The following EYS variants were observed in gnomAD, a reference collection of about 807,000 sequenced individuals.
EYS encodes the protein EGF-like photoreceptor maintenance factor.
EYS carries 250 observed loss-of-function variants against 282.1 expected under a neutral mutation model. The observed-to-expected ratio is 0.89, with a 90% CI of 0.80 to 0.98. The LOEUF (loss-of-function observed/expected upper bound fraction) is 0.98, where lower values mean the gene tolerates loss of function less well. Ranked by LOEUF, EYS falls within the 50% of genes least tolerant of loss-of-function variation. The pLI is 0.00. For missense variants in EYS, 4,016 were observed against 3,709.0 expected (o/e 1.08, Z -2.15); for synonymous variants, 1,355 against 1,282.9 (o/e 1.06, Z -1.20).
Position 64,230,747 on chromosome 6 carries a change from C to T in EYS, c.6269G>A (p.Trp2090Ter), listed in dbSNP as rs1562263385. ...TGCAACAGAGGGGCTGACAGAAGTC[C>T]ACATGGTATCAACCCCTTGTGTCAC... ...SDVTQGVDTM[W>*]TSVSPSVAAP... The change falls in exon 31 of 43, where the codon TGG becomes TAG. Residue 2090 changes from tryptophan (W) to a stop codon, truncating the protein, a stop_gained. Coordinates refer to ENST00000503581, the MANE Select transcript of EYS (RefSeq NM_001142800.2). LOFTEE classifies it high-confidence loss of function. The T allele has an allele frequency of 6.4e-7, 1 of 1,551,546 alleles. No homozygotes were observed. The highest frequency in any genetic ancestry group is 8.7e-7 in the Non-Finnish European group (1 of 1,146,906).
At chr6:65,478,725 G>A (rs187240885) in intron 5 of EYS, among the ~76,000 whole-genome samples, 2 of 152,066 alleles carry the variant, frequency 1.3e-5, no homozygotes, top group Admixed American at 1.3e-4. Context: ...ACTTGGAAGG[G>A]CCCTGTTTAG....
intron 31 of EYS, among the ~76,000 whole-genome samples, chr6:64,116,329 C>T (rs959795902): frequency 5.3e-5 from 8 of 151,978 alleles, no homozygotes; most frequent in South Asian, 2.1e-4. Flanking sequence ...GGAAGAACTT[C>T]GTAGTCCAGG....
chr6:64,767,921 G>A (rs1305517070), intron 22 of EYS, among the ~76,000 whole-genome samples: 2 of 151,958 alleles, frequency 1.3e-5, no homozygotes, highest in East Asian at 3.9e-4. Context: ...AGCTCCCCCT[G>A]TTTTTGCATC....
At chr6:64,730,595 C>T (rs1771929008) in intron 22 of EYS, among the ~76,000 whole-genome samples, 1 of 152,148 alleles carries the variant, frequency 6.6e-6, no homozygotes, top group South Asian at 2.1e-4. Context: ...TCTCCTGCCT[C>T]AGCCTCCGAG....
intron 35 of EYS, among the ~76,000 whole-genome samples, chr6:63,942,107 A>G (rs900885512): frequency 3.3e-5 from 5 of 152,222 alleles, no homozygotes; most frequent in Non-Finnish European, 5.9e-5. Flanking sequence ...TCAGGGGGTT[A>G]TAAGGATCTT....
intron 13 of EYS, among the ~76,000 whole-genome samples, chr6:65,016,705 T>C (rs1485300968): frequency 6.6e-6 from 1 of 152,160 alleles, no homozygotes; most frequent in Non-Finnish European, 1.5e-5. Flanking sequence ...CTGGACAGTA[T>C]AAATTCTGTT....
intron 15 of EYS, among the ~76,000 whole-genome samples, chr6:64,942,518 C>G (rs1769122749): frequency 6.8e-6 from 1 of 146,844 alleles, no homozygotes. Flanking sequence ...TAAGTACAGT[C>G]AGAGATGACA....
At chr6:65,103,238 T>C (rs1327637803) in intron 12 of EYS, among the ~76,000 whole-genome samples, 1 of 151,502 alleles carries the variant, frequency 6.6e-6, no homozygotes, top group African/African-American at 2.4e-5. Flanking sequence ...TGTGGTGTCA[T>C]ATTAGAATGA....
chr6:64,213,859 A>G (rs1185710391), intron 31 of EYS, among the ~76,000 whole-genome samples: 3 of 152,184 alleles, frequency 2.0e-5, no homozygotes, highest in African/African-American at 7.2e-5. Flanking sequence ...CTATACACAT[A>G]ACGGTTTGGG....
chr6:64,858,527 A>G (rs1766139416), intron 19 of EYS, among the ~76,000 whole-genome samples: 1 of 152,092 alleles, frequency 6.6e-6, no homozygotes, highest in Non-Finnish European at 1.5e-5. Context: ...GTAATAAGAA[A>G]ACGTAATGGT....
intron 12 of EYS, among the ~76,000 whole-genome samples, chr6:65,234,659 A>G (rs1258353017): frequency 1.3e-5 from 2 of 152,204 alleles, no homozygotes; most frequent in Non-Finnish European, 2.9e-5. Context: ...CACAGAATGC[A>G]AAGTATTTAT....
At chr6:65,624,374 G>A (rs1294888995) in intron 2 of EYS, among the ~76,000 whole-genome samples, 1 of 152,142 alleles carries the variant, frequency 6.6e-6, no homozygotes, top group Non-Finnish European at 1.5e-5. Flanking sequence ...GTGATGAAGG[G>A]TATGATGAGG....
At chr6:64,418,068 G>A (rs1774115616) in intron 28 of EYS, among the ~76,000 whole-genome samples, 1 of 152,058 alleles carries the variant, frequency 6.6e-6, no homozygotes, top group Non-Finnish European at 1.5e-5. Flanking sequence ...TTCCAGAGTG[G>A]TGACATAGGA....
chr6:64,186,335 G>A (rs1764946371), intron 31 of EYS, among the ~76,000 whole-genome samples: 1 of 151,624 alleles, frequency 6.6e-6, no homozygotes, highest in Non-Finnish European at 1.5e-5. Flanking sequence ...AAGTAATGTG[G>A]GAGCCAAATG....
At chr6:65,201,132 G>A (rs1347817456) in intron 12 of EYS, among the ~76,000 whole-genome samples, 2 of 152,070 alleles carry the variant, frequency 1.3e-5, no homozygotes, top group Admixed American at 6.6e-5. Flanking sequence ...TGAGCCTAAA[G>A]AAAGTTCTCA....
In EYS at chr6:64,319,401, T is replaced by G. The variant is rs551849448; in HGVS notation, c.6079-12319A>C. On this transcript the variant is annotated intron_variant, in intron 29 of 42. Coordinates refer to ENST00000503581, the MANE Select transcript of EYS (RefSeq NM_001142800.2). ...AATACCAATTGATTAAATCAATGGT[T>G]TTCATCCTGTATTATCTGAGGAACC... Among the ~76,000 whole-genome samples, 9 of 152,012 alleles carry G rather than the reference T, an allele frequency of 5.9e-5. No individual in the cohort carries two copies. The East Asian group carries it at 1.5e-3, about 26-fold the overall frequency.
chr6:64,242,167 A>G (rs1251976059), intron 30 of EYS, among the ~76,000 whole-genome samples: 2 of 152,118 alleles, frequency 1.3e-5, no homozygotes, highest in African/African-American at 4.8e-5. Flanking sequence ...AGTTCTGTAG[A>G]TGTCTATTAG....
At chr6:64,179,125 A>G (rs1764717051) in intron 31 of EYS, among the ~76,000 whole-genome samples, 1 of 152,062 alleles carries the variant, frequency 6.6e-6, no homozygotes, top group Non-Finnish European at 1.5e-5. Flanking sequence ...ATATTATTTT[A>G]TTTAAAAACT....
At chr6:64,619,404 A>G (rs1419106558) in intron 23 of EYS, among the ~76,000 whole-genome samples, 1 of 152,150 alleles carries the variant, frequency 6.6e-6, no homozygotes, top group East Asian at 1.9e-4. Context: ...ACAGATTTTT[A>G]CAATAGAGTA....
Sources: allele counts gnomAD v4.1 joint callset (sites outside exome capture counted in the v4.1 genomes callset), GRCh38; gene constraint gnomAD v4.1.1; transcripts MANE v1.5; gene names NCBI Gene and HGNC (gene_info 2026-07-23, HGNC 2026-07-21).